ILRUN: variants seen among roughly 807,000 people sequenced by gnomAD.
ILRUN encodes protein ILRUN.
In ILRUN, 3 loss-of-function variants were observed where a neutral mutation model predicts 33.8. The ratio of observed to expected loss-of-function variants is 0.09; its 90% CI spans 0.04 to 0.23. ILRUN has a LOEUF of 0.23. ILRUN is among the 10% of genes least tolerant of loss of function. The pLI is 1.00. For synonymous variants in ILRUN, 124 were observed against 138.9 expected (o/e 0.89, Z 0.75); for missense variants, 210 against 375.1 (o/e 0.56, Z 3.64).
chr6:34,620,893 C>T (rs1220637006), intron 3 of ILRUN, among the ~76,000 whole-genome samples: 1 of 151,984 alleles, frequency 6.6e-6, no homozygotes, highest in African/African-American at 2.4e-5. Flanking sequence ...TTGATAAGAC[C>T]GGACACTAAC....
intron 3 of ILRUN, among the ~76,000 whole-genome samples, chr6:34,642,362 A>T (rs905311677): frequency 5.9e-5 from 9 of 152,198 alleles, no homozygotes; most frequent in African/African-American, 2.2e-4. Context: ...CTGACTAAAA[A>T]ATTAAAGTTG....
chr6:34,694,236 T>A (rs1420728152), intron 1 of ILRUN, among the ~76,000 whole-genome samples: 1 of 152,338 alleles, frequency 6.6e-6, no homozygotes, highest in East Asian at 1.9e-4. Flanking sequence ...ACTGCTTTTG[T>A]AGCCATAATA....
intron 3 of ILRUN, among the ~76,000 whole-genome samples, chr6:34,635,553 AAGGAAGGAAGGAAGGGAGGG>A (rs1451264332): frequency 1.5e-5 from 2 of 132,468 alleles, no homozygotes; most frequent in Non-Finnish European, 3.2e-5. Flanking sequence ...GAAAGGAAGG[AAGGAAGGAAGGAAGGGAGGG>A]AGGGAGGGAG....
intron 3 of ILRUN, among the ~76,000 whole-genome samples, chr6:34,624,738 T>C (rs1280632809): frequency 6.6e-6 from 1 of 152,222 alleles, no homozygotes; most frequent in Non-Finnish European, 1.5e-5. Flanking sequence ...AATGTGTTAG[T>C]TTTGAACAAT....
At position 34,588,405 on chromosome 6, in the gene ILRUN, G is replaced by A. The variant is rs1402613946; in HGVS notation, c.*2160C>T. ...GGCAGAAGAGGAAGTCAGGAAAGCA[G>A]GGGTTGTGAAGCCTCCCACAATCCT... On this transcript the variant is annotated 3_prime_UTR_variant, in exon 5 of 5. Transcript: ENST00000374023. 2 of 396,320 alleles carry A rather than the reference G, an allele frequency of 5.0e-6. No homozygotes were observed. Among genetic ancestry groups the A allele is most frequent in the East Asian group, 3.6e-5 (1 of 28,020 alleles). The allele number at this position is 396,320 out of a possible 1,614,324, so 24.6% of individuals were successfully genotyped here. A position where few individuals can be genotyped will look rare whatever the true frequency, so the allele number is the denominator to read the frequency against.
In ILRUN at chr6:34,625,163, T is replaced by C. The variant is rs147085147; in HGVS notation, c.512-18259A>G. Among the ~76,000 whole-genome samples the C allele has an allele frequency of 1.1e-3, 170 of 152,340 alleles. 2 individuals carry two copies. The East Asian group carries it at 0.027, about 24-fold the overall frequency. ...CAAAGCAGAACTTCCTTAATGTTTCTTCTTTTTCCCTCCTCCCCCCTTCCC... is the reference window on the plus strand; with the variant it reads ...CAAAGCAGAACTTCCTTAATGTTTCCTCTTTTTCCCTCCTCCCCCCTTCCC... On this transcript the variant is annotated intron_variant, in intron 3 of 4. Transcript: ENST00000374023.
At position 34,695,070 on chromosome 6, in the gene ILRUN, A is replaced by AC. The variant is rs1763731212; in HGVS notation, c.158+1375_158+1376insG. ...CGTCTCAAAAAAAAAAAAAAAAAAA[A>AC]ATTTACACATTACCTTTGGTGCAGC... On this transcript the variant is annotated intron_variant, in intron 1 of 4. Coordinates refer to ENST00000374023, the MANE Select transcript of ILRUN (RefSeq NM_024294.4). 2.0e-5 allele frequency among the ~76,000 whole-genome samples: 3 copies of AC among 151,664 alleles called. No homozygotes were observed. In the South Asian group the frequency reaches 6.2e-4, roughly 32 times the overall value.
intron 1 of ILRUN, among the ~76,000 whole-genome samples, chr6:34,683,425 T>TATACACATAC (rs1435803481): frequency 1.4e-4 from 9 of 64,614 alleles, no homozygotes; most frequent in Non-Finnish European, 2.1e-4. Context: ...TATACATATA[T>TATACACATAC]ATACATATAT....
At chr6:34,641,189 T>C (rs551488278) in intron 3 of ILRUN, among the ~76,000 whole-genome samples, 2 of 152,138 alleles carry the variant, frequency 1.3e-5, no homozygotes, top group East Asian at 3.9e-4. Flanking sequence ...CCAGAGAAGT[T>C]ACCTAATTTG....
intron 1 of ILRUN, among the ~76,000 whole-genome samples, chr6:34,662,382 T>C (rs1762907618): frequency 6.6e-6 from 1 of 151,450 alleles, no homozygotes; most frequent in Non-Finnish European, 1.5e-5. Flanking sequence ...CTTACTCAGA[T>C]CTAGCAATTC....
intron 1 of ILRUN, among the ~76,000 whole-genome samples, chr6:34,683,453 C>CATATATATACATATATATACACAT (rs1562032974): frequency 1.0e-5 from 1 of 96,616 alleles, no homozygotes; most frequent in Non-Finnish European, 2.0e-5. Flanking sequence ...TATATATATA[C>CATATATATACATATATATACACAT]ATATATATAC....
intron 3 of ILRUN, among the ~76,000 whole-genome samples, chr6:34,637,615 A>G (rs557438943): frequency 1.3e-5 from 2 of 152,340 alleles, no homozygotes; most frequent in Non-Finnish European, 2.9e-5. Flanking sequence ...CATCATTAGC[A>G]CTAACAGCAC....
chr6:34,643,862 C>G (rs540540762), intron 3 of ILRUN, among the ~76,000 whole-genome samples: 1 of 152,092 alleles, frequency 6.6e-6, no homozygotes, highest in Admixed American at 6.6e-5. Flanking sequence ...GCCAACTGCC[C>G]GGCTAATTTT....
chr6:34,665,997 C>T (rs1582092640), intron 1 of ILRUN, among the ~76,000 whole-genome samples: 1 of 151,172 alleles, frequency 6.6e-6, no homozygotes, highest in East Asian at 1.9e-4. Flanking sequence ...ATACTTCACC[C>T]AGAAAAATGC....
At chr6:34,668,075 A>G (rs1763041311) in intron 1 of ILRUN, among the ~76,000 whole-genome samples, 1 of 152,206 alleles carries the variant, frequency 6.6e-6, no homozygotes, top group South Asian at 2.1e-4. Context: ...TGAAGGGCTT[A>G]AAGGTGAAAT....
At chr6:34,677,422 A>G (rs779111588) in intron 1 of ILRUN, among the ~76,000 whole-genome samples, 22 of 152,334 alleles carry the variant, frequency 1.4e-4, no homozygotes, top group South Asian at 6.2e-4. Context: ...AAATAATGGG[A>G]CGTTAGGAGT....
intron 1 of ILRUN, among the ~76,000 whole-genome samples, chr6:34,672,744 C>A (rs1452276503): frequency 6.6e-6 from 1 of 151,600 alleles, no homozygotes; most frequent in Non-Finnish European, 1.5e-5. Flanking sequence ...CAGAACCAGA[C>A]CAGAAAGTCC....
chr6:34,587,464 A>G lies in ILRUN; in HGVS notation c.*3101T>C, dbSNP rs1338663326. On this transcript the variant is annotated 3_prime_UTR_variant, in exon 5 of 5. Transcript: ENST00000374023. Reference sequence around the variant, plus strand: ...GGCAGCCACTGCTGCTCCTGCATTCACCCAAGGAAACAAAGGAAAGGTGCG... The same window carrying G: ...GGCAGCCACTGCTGCTCCTGCATTCGCCCAAGGAAACAAAGGAAAGGTGCG... The G allele has an allele frequency of 6.6e-6, 1 of 152,608 alleles. No homozygotes were observed. Among genetic ancestry groups the G allele is most frequent in the African/African-American group, 2.4e-5 (1 of 41,424 alleles). 9.5% of individuals were successfully genotyped at this position (152,608 alleles called of 1,614,324 possible).
chr6:34,618,816 T>C (rs958385734), intron 3 of ILRUN, among the ~76,000 whole-genome samples: 3 of 152,280 alleles, frequency 2.0e-5, no homozygotes, highest in Non-Finnish European at 1.5e-5. Flanking sequence ...CATCAGCTGA[T>C]ACCATAAGGA....
Sources: gnomAD v4.1 joint callset for allele counts (sites outside exome capture counted in the v4.1 genomes callset) on GRCh38, gnomAD v4.1.1 for gene constraint, MANE v1.5 for transcripts, NCBI Gene and HGNC (gene_info 2026-07-23, HGNC 2026-07-21) for gene names.